The following RNF180 variants were observed in gnomAD, a reference collection of about 807,000 sequenced individuals.
RNF180 encodes E3 ubiquitin-protein ligase RNF180.
A neutral mutation model predicts 59.2 loss-of-function variants in RNF180; 38 were observed. The observed-to-expected ratio is 0.64, with a 90% CI of 0.50 to 0.84. The LOEUF is 0.84. Ranked by LOEUF, RNF180 falls within the 40% of genes least tolerant of loss-of-function variation. The pLI, the probability that RNF180 is intolerant of heterozygous loss-of-function variation, is 0.00. For missense variants in RNF180, 705 were observed against 700.9 expected (o/e 1.01, Z -0.07); for synonymous variants, 262 against 240.3 (o/e 1.09, Z -0.84).
intron 5 of RNF180, among the ~76,000 whole-genome samples, chr5:64,233,203 A>G (rs1742201621): frequency 6.6e-6 from 1 of 152,228 alleles, no homozygotes; most frequent in Non-Finnish European, 1.5e-5. Flanking sequence ...AAATTAAGAA[A>G]TGTTTACAAA....
chr5:64,214,157 C>G lies in RNF180; in HGVS notation c.831C>G (p.Ser277Arg), dbSNP rs1561194073. ...SGLPLQSSKN[S>R]YSFQNPSSFD... ...TGCCTTTACAATCTAGTAAAAATAG[C>G]TATTCCTTTCAGAATCCATCCAGTT... is the stretch of plus-strand genomic sequence containing the variant. Residue 277 changes from serine (S) to arginine (R), a missense_variant, in exon 4 of 8, where the codon AGC (serine) becomes AGG (arginine). By Grantham distance (110) the Ser-to-Arg change is moderately radical (BLOSUM62 -1). Coordinates refer to ENST00000389100, the MANE Select transcript of RNF180 (RefSeq NM_001113561.2). The G allele has an allele frequency of 6.2e-7, 1 of 1,614,088 alleles. No homozygotes were observed. Among genetic ancestry groups the G allele is most frequent in the Non-Finnish European group, 8.5e-7 (1 of 1,180,008 alleles).
At chr5:64,240,424 A>G (rs1013687991) in intron 5 of RNF180, among the ~76,000 whole-genome samples, 1 of 152,234 alleles carries the variant, frequency 6.6e-6, no homozygotes, top group African/African-American at 2.4e-5. Flanking sequence ...AATAGAGTCT[A>G]TGAAAGCCTT....
intron 7 of RNF180, among the ~76,000 whole-genome samples, chr5:64,350,999 C>CA (rs1471079880): frequency 1.3e-5 from 2 of 151,932 alleles, no homozygotes; most frequent in Admixed American, 1.3e-4. Context: ...TTACCTTGGG[C>CA]AGTATGGCCA....
chr5:64,347,723 G>T (rs1401439948), intron 7 of RNF180, among the ~76,000 whole-genome samples: 1 of 152,134 alleles, frequency 6.6e-6, no homozygotes, highest in East Asian at 1.9e-4. Context: ...TTTATAATTT[G>T]CAGTTAAAAC....
intron 1 of RNF180, among the ~76,000 whole-genome samples, chr5:64,187,073 CA>C (rs1425543277): frequency 6.6e-6 from 1 of 152,068 alleles, no homozygotes; most frequent in African/African-American, 2.4e-5. Context: ...TGCATTTCTT[CA>C]GTAATATTTT....
intron 1 of RNF180, among the ~76,000 whole-genome samples, chr5:64,192,621 G>A (rs762965214): frequency 9.2e-5 from 14 of 152,068 alleles, no homozygotes; most frequent in Middle Eastern, 3.4e-3. Flanking sequence ...GCTGTGAGCC[G>A]AGATCGCGCC....
At chr5:64,165,385 GC>G (rs1328066745), upstream of RNF180, among the ~76,000 whole-genome samples, 2 of 152,198 alleles carry the variant, frequency 1.3e-5, no homozygotes, top group Non-Finnish European at 2.9e-5. Flanking sequence ...AAGAAGGTAA[GC>G]AACGAAGATA....
chr5:64,203,546 A>G (rs929763189), intron 2 of RNF180, among the ~76,000 whole-genome samples: 1 of 152,186 alleles, frequency 6.6e-6, no homozygotes, highest in Admixed American at 6.6e-5. Context: ...AATAAAATGT[A>G]TAAACATAAT....
In RNF180 at chr5:64,364,223, A is replaced by G. The variant is rs138155578; in HGVS notation, c.1580-5392A>G. 5.0e-3 allele frequency among the ~76,000 whole-genome samples: 764 copies of G among 151,970 alleles called. 4 individuals are homozygous for G. Among genetic ancestry groups the G allele is most frequent in the African/African-American group, 0.017 (713 of 41,506 alleles). ...GTATGATGTTGGCTGTGGTGTTGTC[A>G]TAGATGGCCCTTATTATTGAGGTGT... is the stretch of plus-strand genomic sequence containing the variant. On this transcript the variant is annotated intron_variant, in intron 7 of 7. Transcript: ENST00000389100.
intron 5 of RNF180, among the ~76,000 whole-genome samples, chr5:64,224,354 G>T (rs1435686893): frequency 1.3e-5 from 2 of 152,094 alleles, no homozygotes; most frequent in Non-Finnish European, 2.9e-5. Flanking sequence ...ATCCTATGCT[G>T]TCCAACACCT....
chr5:64,221,512 T>C (rs1741335215), intron 5 of RNF180, among the ~76,000 whole-genome samples: 1 of 152,172 alleles, frequency 6.6e-6, no homozygotes, highest in African/African-American at 2.4e-5. Context: ...ACCTAGGGCA[T>C]ACTCAGTAAG....
chr5:64,248,176 A>C (rs1267501316), intron 5 of RNF180, among the ~76,000 whole-genome samples: 2 of 152,222 alleles, frequency 1.3e-5, no homozygotes, highest in Non-Finnish European at 2.9e-5. Context: ...CATAGGCAGT[A>C]CCATCCAGGA....
intron 5 of RNF180, among the ~76,000 whole-genome samples, chr5:64,324,280 G>T (rs963233409): frequency 3.9e-5 from 6 of 152,078 alleles, no homozygotes; most frequent in Non-Finnish European, 5.9e-5. Context: ...GGCCTGGATG[G>T]GACACCATCC....
rs559362555 is a variant in RNF180, at chr5:64,205,344, A to G, written c.135+4402A>G. Among the ~76,000 whole-genome samples, 9 of 152,320 alleles carry G rather than the reference A, an allele frequency of 5.9e-5. No individual in the cohort carries two copies. In the East Asian group the frequency reaches 1.5e-3, roughly 26 times the overall value. On this transcript the variant is annotated intron_variant, in intron 2 of 7. Coordinates refer to ENST00000389100, the MANE Select transcript of RNF180 (RefSeq NM_001113561.2). ...TTAGAATGGAGTTTTCAGACAATCT[A>G]CAACGTCCACAAGGAGAAAGGGGGA...
At chr5:64,194,390 A>C (rs1257174446) in intron 1 of RNF180, among the ~76,000 whole-genome samples, 1 of 152,178 alleles carries the variant, frequency 6.6e-6, no homozygotes, top group Non-Finnish European at 1.5e-5. Context: ...ACATTTTCTT[A>C]ATCCAATCTA....
intron 7 of RNF180, among the ~76,000 whole-genome samples, chr5:64,333,457 C>T (rs1485605209): frequency 6.6e-6 from 1 of 151,182 alleles, no homozygotes; most frequent in Non-Finnish European, 1.5e-5. Flanking sequence ...AGGCATGAGC[C>T]ACTGTTCCTG....
At chr5:64,276,693 T>A (rs1197886114) in intron 5 of RNF180, among the ~76,000 whole-genome samples, 2 of 152,036 alleles carry the variant, frequency 1.3e-5, no homozygotes, top group South Asian at 2.1e-4. Flanking sequence ...ATTAAAAAAA[T>A]TTAAAAATAA....
At chr5:64,248,475 A>G (rs1488437647) in intron 5 of RNF180, among the ~76,000 whole-genome samples, 1 of 152,126 alleles carries the variant, frequency 6.6e-6, no homozygotes, top group Non-Finnish European at 1.5e-5. Flanking sequence ...AAAGAAGACA[A>G]CAAATGTGCA....
In RNF180 at chr5:64,348,839, T is replaced by C. The variant is rs181139433; in HGVS notation, c.1579+18433T>C. 4.6e-5 allele frequency among the ~76,000 whole-genome samples: 7 copies of C among 152,224 alleles called. No homozygotes were observed. In the East Asian group the frequency reaches 1.4e-3, roughly 29 times the overall value. Reference sequence around the variant, plus strand: ...ACTGATTACCAAATGATATAACTTATTATTCAGCATGTCAAGGAATTTTTA... The same window carrying C: ...ACTGATTACCAAATGATATAACTTACTATTCAGCATGTCAAGGAATTTTTA... On this transcript the variant is annotated intron_variant, in intron 7 of 7. Coordinates refer to ENST00000389100, the MANE Select transcript of RNF180 (RefSeq NM_001113561.2).
Sources: allele counts gnomAD v4.1 joint callset (sites outside exome capture counted in the v4.1 genomes callset), GRCh38; gene constraint gnomAD v4.1.1; transcripts MANE v1.5; gene names NCBI Gene and HGNC (gene_info 2026-07-23, HGNC 2026-07-21).